SESTD1: variants seen among roughly 807,000 people sequenced by gnomAD.
SESTD1 encodes SEC14 and spectrin domain containing 1.
SESTD1 carries 43 observed loss-of-function variants against 101.7 expected under a neutral mutation model. The ratio of observed to expected loss-of-function variants is 0.42; its 90% CI spans 0.33 to 0.55. The LOEUF (loss-of-function observed/expected upper bound fraction) is 0.55. Ranked by LOEUF, SESTD1 falls within the 20% of genes least tolerant of loss-of-function variation. The pLI, the probability that SESTD1 is intolerant of heterozygous loss-of-function variation, is 0.07. For synonymous variants in SESTD1, 283 were observed against 286.8 expected, an observed-to-expected ratio of 0.99 and a Z score of 0.13; for missense variants, 647 against 815.1, an observed-to-expected ratio of 0.79 and a Z score of 2.51.
chr2:179,256,471 A>C (rs1176840943), intron 1 of SESTD1, among the ~76,000 whole-genome samples: 3 of 152,208 alleles, frequency 2.0e-5, no homozygotes, highest in African/African-American at 7.2e-5. Context: ...TAGAATTAGA[A>C]GTGGAGCCTG....
intron 1 of SESTD1, among the ~76,000 whole-genome samples, chr2:179,204,668 T>A (rs2046567558): frequency 7.4e-6 from 1 of 135,658 alleles, no homozygotes; most frequent in Non-Finnish European, 1.6e-5. Context: ...CCTTTTAGGT[T>A]GACATGCATA....
chr2:179,231,913 T>C (rs890638477), intron 1 of SESTD1, among the ~76,000 whole-genome samples: 1 of 152,130 alleles, frequency 6.6e-6, no homozygotes, highest in African/African-American at 2.4e-5. Context: ...ATAACCATCG[T>C]GTATGCCTAT....
intron 1 of SESTD1, among the ~76,000 whole-genome samples, chr2:179,197,136 C>A (rs926265935): frequency 2.6e-5 from 4 of 151,936 alleles, no homozygotes; most frequent in African/African-American, 9.7e-5. Context: ...AGCTGAAAAC[C>A]AAGGCTCGAG....
intron 1 of SESTD1, among the ~76,000 whole-genome samples, chr2:179,229,321 T>C (rs960690684): frequency 2.0e-5 from 3 of 152,144 alleles, no homozygotes; most frequent in Non-Finnish European, 2.9e-5. Flanking sequence ...AAAGGCCGAA[T>C]TCTCTCTATC....
At position 179,264,487 on chromosome 2, in the gene SESTD1, G is replaced by A. The variant is rs2047531028; in HGVS notation, c.-26+12C>T. On this transcript the variant is annotated intron_variant, in intron 1 of 17. Transcript: ENST00000428443. Reference sequence around the variant, plus strand: ...GCTTCTCCCGCCCGGGCCGAGCGGCGGCCACACTCACCTGGCTGGCGCTGA... The same window carrying A: ...GCTTCTCCCGCCCGGGCCGAGCGGCAGCCACACTCACCTGGCTGGCGCTGA... 6.6e-6 allele frequency: 1 copy of A among 150,666 alleles called. No individual in the cohort carries two copies. The highest frequency in any genetic ancestry group is 6.6e-5 in the Admixed American group (1 of 15,086). 9.3% of individuals were successfully genotyped at this position (150,666 alleles called of 1,614,324 possible). A position where few individuals can be genotyped will look rare whatever the true frequency, so the allele number is the denominator to read the frequency against.
intron 3 of SESTD1, among the ~76,000 whole-genome samples, chr2:179,179,736 G>A (rs904505427): frequency 9.9e-5 from 15 of 152,030 alleles, no homozygotes; most frequent in African/African-American, 3.6e-4. Flanking sequence ...CCTCAGACAC[G>A]ACAATAGCTT....
chr2:179,155,052 A>G (rs10172589), intron 5 of SESTD1, among the ~76,000 whole-genome samples: 2,197 of 152,130 alleles, frequency 0.014, 45 homozygotes, highest in African/African-American at 0.047. Context: ...TAGCTGGACT[A>G]CAGGGGCGTG....
intron 1 of SESTD1, among the ~76,000 whole-genome samples, chr2:179,251,022 C>T (rs2047309027): frequency 6.6e-6 from 1 of 152,056 alleles, no homozygotes; most frequent in African/African-American, 2.4e-5. Context: ...CTAGAAACAG[C>T]CTAGATATCC....
intron 16 of SESTD1, 50 bp downstream of exon 16, chr2:179,115,015 C>T: frequency 6.9e-7 from 1 of 1,456,170 alleles, no homozygotes; most frequent in Non-Finnish European, 9.4e-7. Flanking sequence ...ATATTTTAAA[C>T]ACATATAATC....
intron 4 of SESTD1, among the ~76,000 whole-genome samples, chr2:179,172,535 A>C (rs1465425446): frequency 1.3e-5 from 2 of 152,170 alleles, no homozygotes; most frequent in Non-Finnish European, 2.9e-5. Context: ...GTAAGAGTTA[A>C]TTTTTAGTTG....
intron 1 of SESTD1, among the ~76,000 whole-genome samples, chr2:179,233,390 G>T (rs2047013458): frequency 6.6e-6 from 1 of 152,144 alleles, no homozygotes; most frequent in South Asian, 2.1e-4. Flanking sequence ...AGTGCAGAAG[G>T]AGGCTAGAAT....
intron 1 of SESTD1, among the ~76,000 whole-genome samples, chr2:179,255,501 C>G (rs553757390): frequency 6.6e-6 from 1 of 152,296 alleles, no homozygotes; most frequent in East Asian, 1.9e-4. Context: ...TAATTCAGAG[C>G]AAGACACTAG....
chr2:179,156,690 T>C (rs556948494), intron 5 of SESTD1, among the ~76,000 whole-genome samples: 4 of 152,312 alleles, frequency 2.6e-5, no homozygotes, highest in Non-Finnish European at 5.9e-5. Flanking sequence ...TTTTTCTTGC[T>C]GATTTGAGTT....
rs1381309703 is a variant in SESTD1 at position 179,107,097 on chromosome 2, T to C, written c.*2802A>G. ...ACAAATGAGTGGTTCTTTCAGAGAC[T>C]TGCAAGCTGATGTTAATTTATGACA... On this transcript the variant is annotated 3_prime_UTR_variant, in exon 18 of 18. Transcript: ENST00000428443. 1 of 152,162 alleles carries C rather than the reference T, an allele frequency of 6.6e-6. No individual in the cohort carries two copies. The highest frequency in any genetic ancestry group is 1.5e-5 in the Non-Finnish European group (1 of 68,010). 9.4% of individuals were successfully genotyped at this position (152,162 alleles called of 1,614,324 possible).
chr2:179,226,834 T>C (rs13414296), intron 1 of SESTD1, among the ~76,000 whole-genome samples: 44,564 of 152,156 alleles, frequency 0.29, 6,876 homozygotes, highest in South Asian at 0.43. Context: ...GCCTGGCAGA[T>C]AGCCAATGCG....
At chr2:179,237,612 TAA>T (rs1274357470) in intron 1 of SESTD1, among the ~76,000 whole-genome samples, 1 of 152,198 alleles carries the variant, frequency 6.6e-6, no homozygotes, top group African/African-American at 2.4e-5. Context: ...GGCTAATTTT[TAA>T]AAAGATTTAT....
chr2:179,195,132 G>A (rs1023923344), intron 1 of SESTD1, among the ~76,000 whole-genome samples: 2 of 152,176 alleles, frequency 1.3e-5, no homozygotes, highest in African/African-American at 4.8e-5. Context: ...TGATGCAGAA[G>A]GACAGGCCAC....
chr2:179,160,157 C>T (rs1363439688), intron 5 of SESTD1, among the ~76,000 whole-genome samples: 7 of 152,058 alleles, frequency 4.6e-5, no homozygotes, highest in Non-Finnish European at 7.4e-5. Context: ...GTGCCCAGCC[C>T]ATAATCAAAT....
chr2:179,236,756 T>A (rs978410887), intron 1 of SESTD1, among the ~76,000 whole-genome samples: 1 of 151,482 alleles, frequency 6.6e-6, no homozygotes, highest in African/African-American at 2.4e-5. Flanking sequence ...GTAGTTTTTT[T>A]TTTTTTTTTT....
Sources: gnomAD v4.1 joint callset for allele counts (sites outside exome capture counted in the v4.1 genomes callset) on GRCh38, gnomAD v4.1.1 for gene constraint, MANE v1.5 for transcripts, NCBI Gene and HGNC (gene_info 2026-07-23, HGNC 2026-07-21) for gene names.